The following TRAPPC12 variants were observed in gnomAD, a reference collection of about 807,000 sequenced individuals.
TRAPPC12 encodes trafficking protein particle complex subunit 12.
Under a neutral mutation model 69.2 loss-of-function variants are expected in TRAPPC12, and 61 were observed. That is an observed-to-expected ratio of 0.88 (90% CI 0.72 to 1.09). TRAPPC12 has a LOEUF of 1.09. Among genes scored for constraint, TRAPPC12 ranks in the 50% least tolerant of loss-of-function variants. The pLI, the probability that TRAPPC12 is intolerant of heterozygous loss-of-function variation, is 0.00. For synonymous variants in TRAPPC12, 469 were observed against 438.9 expected, an observed-to-expected ratio of 1.07 and a Z score of -0.86; for missense variants, 1,101 against 1,016.4, an observed-to-expected ratio of 1.08 and a Z score of -1.13.
intron 1 of TRAPPC12, among the ~76,000 whole-genome samples, chr2:3,383,868 CTTGTTTTTTTTTTTTTTT>C (rs1558334966): frequency 1.1e-4 from 9 of 84,754 alleles, no homozygotes; most frequent in East Asian, 3.5e-4. Flanking sequence ...ATAGTTCAGT[CTTGTTTTTTTTTTTTTTT>C]TTTTTTTTTT....
At chr2:3,385,661 T>C (rs1237442111) in intron 1 of TRAPPC12, among the ~76,000 whole-genome samples, 1 of 152,260 alleles carries the variant, frequency 6.6e-6, no homozygotes, top group Non-Finnish European at 1.5e-5. Context: ...AGAATTAGCT[T>C]TAGAACCTAG....
chr2:3,386,586 G>A (rs1448151996), intron 1 of TRAPPC12, among the ~76,000 whole-genome samples: 1 of 152,188 alleles, frequency 6.6e-6, no homozygotes, highest in Admixed American at 6.5e-5. Context: ...AGCTAGTTGT[G>A]TTGTCAGCTT....
intron 1 of TRAPPC12, among the ~76,000 whole-genome samples, chr2:3,380,816 C>T (rs1304388984): frequency 6.6e-6 from 1 of 152,224 alleles, no homozygotes; most frequent in Admixed American, 6.5e-5. Flanking sequence ...TGTGTCTGTG[C>T]AGCTCTTCAC....
chr2:3,445,195 T>G (rs5005514), intron 6 of TRAPPC12, among the ~76,000 whole-genome samples: 151,208 of 152,282 alleles, frequency 0.99, 75,075 homozygotes, highest in Middle Eastern at 1. Flanking sequence ...CCTGGTCCTG[T>G]TATGTCCTAT....
At chr2:3,456,772 T>C (rs1572189261) in intron 6 of TRAPPC12, 1 of 245,164 alleles carries the variant, frequency 4.1e-6, no homozygotes. Context: ...AGAGATGGGG[T>C]TTTGCCATGT....
chr2:3,465,624 C>G lies in TRAPPC12; in HGVS notation c.1705C>G (p.His569Asp). Reference sequence around the variant, plus strand: ...TTATGTGCTGGCCGTGGAGGCGTATCATTCGGTTATCAAGTATTACCCAGA... The same window carrying G: ...TTATGTGCTGGCCGTGGAGGCGTATGATTCGGTTATCAAGTATTACCCAGA... ...KDYVLAVEAY[H>D]SVIKYYPEQE... Residue 569 changes from histidine (H) to aspartate (D), a missense_variant, in exon 9 of 12, where the codon CAT (histidine) becomes GAT (aspartate). Physicochemically the swap from His to Asp is moderately conservative, Grantham distance 81. Coordinates refer to ENST00000324266, the MANE Select transcript of TRAPPC12 (RefSeq NM_016030.6). 1 of 1,614,104 alleles carries G rather than the reference C, an allele frequency of 6.2e-7. No individual in the cohort carries two copies. Among genetic ancestry groups the G allele is most frequent in the Non-Finnish European group, 8.5e-7 (1 of 1,179,982 alleles).
At chr2:3,424,422 A>G in intron 4 of TRAPPC12, 103 bp from the exon 5 acceptor site, 2 of 966,304 alleles carry the variant, frequency 2.1e-6, no homozygotes, top group Admixed American at 2.6e-5. Context: ...CCCTTATTTT[A>G]ATATATGAGA....
At position 3,382,980 on chromosome 2, in the gene TRAPPC12, T is replaced by C. The variant is rs113396126; in HGVS notation, c.-5+3104T>C. On this transcript the variant is annotated intron_variant, in intron 1 of 11. Coordinates refer to ENST00000324266, the MANE Select transcript of TRAPPC12 (RefSeq NM_016030.6). Reference sequence around the variant, plus strand: ...AATAACTTAAACCATGGGTGAAAAATTGAATTGTTCTGGGAAAAATCAAGA... The same window carrying C: ...AATAACTTAAACCATGGGTGAAAAACTGAATTGTTCTGGGAAAAATCAAGA... Among the ~76,000 whole-genome samples, 305 of 152,250 alleles carry C rather than the reference T, an allele frequency of 2.0e-3. 2 individuals are homozygous for C. The highest frequency in any genetic ancestry group is 7.1e-3 in the African/African-American group (296 of 41,548).
At chr2:3,415,946 G>A (rs1247192275) in intron 3 of TRAPPC12, among the ~76,000 whole-genome samples, 2 of 151,536 alleles carry the variant, frequency 1.3e-5, no homozygotes, top group Non-Finnish European at 2.9e-5. Flanking sequence ...TCGATCTCCT[G>A]ACCTCATGAT....
At chr2:3,457,600 T>G (rs745391145) in intron 6 of TRAPPC12, 21 bp from the exon 7 acceptor site, 8 of 1,610,736 alleles carry the variant, frequency 5.0e-6, no homozygotes, top group Non-Finnish European at 6.8e-6. Context: ...ATTTTGTCCT[T>G]CTCATTTGGA....
chr2:3,415,765 G>A (rs1317399269), intron 3 of TRAPPC12, among the ~76,000 whole-genome samples: 1 of 143,824 alleles, frequency 7.0e-6, no homozygotes, highest in African/African-American at 2.6e-5. Flanking sequence ...TGCCCAGGCT[G>A]GAGTACAGTG....
intron 8 of TRAPPC12, among the ~76,000 whole-genome samples, 171 bp from the exon 9 acceptor site, chr2:3,465,426 C>T (rs944769226): frequency 6.6e-6 from 1 of 152,212 alleles, no homozygotes; most frequent in South Asian, 2.1e-4. Context: ...GGGAGAGCAG[C>T]CGCCCCCTGG....
At chr2:3,446,126 G>A (rs1305216316) in intron 6 of TRAPPC12, among the ~76,000 whole-genome samples, 2 of 152,194 alleles carry the variant, frequency 1.3e-5, no homozygotes, top group Non-Finnish European at 2.9e-5. Context: ...CGTTCCCTCC[G>A]CTGGTCTACA....
intron 1 of TRAPPC12, among the ~76,000 whole-genome samples, chr2:3,382,384 C>A (rs181401052): frequency 7.6e-4 from 116 of 152,208 alleles, no homozygotes; most frequent in African/African-American, 2.7e-3. Flanking sequence ...CCGCCTGCCT[C>A]GGCCTCCCAA....
At chr2:3,408,820 A>T (rs1340618739) in intron 3 of TRAPPC12, among the ~76,000 whole-genome samples, 1 of 152,194 alleles carries the variant, frequency 6.6e-6, no homozygotes, top group Non-Finnish European at 1.5e-5. Flanking sequence ...TTAATATTCA[A>T]TATCCAAAAG....
At chr2:3,418,924 A>C (rs1188448572) in intron 3 of TRAPPC12, among the ~76,000 whole-genome samples, 2 of 151,422 alleles carry the variant, frequency 1.3e-5, no homozygotes, top group African/African-American at 4.9e-5. Flanking sequence ...CCCCATCCTC[A>C]CCTGCTTCCC....
At position 3,388,640 on chromosome 2, in the gene TRAPPC12, C is replaced by G; in HGVS notation, c.1017C>G (p.Thr339=). ...TGTTCGTGGACAAGGAGAACCTCACCATGCCGGGCCTCAGGTTCGACAACA... is the reference window on the plus strand; with the variant it reads ...TGTTCGTGGACAAGGAGAACCTCACGATGCCGGGCCTCAGGTTCGACAACA... ...GAVFVDKENL[T]MPGLRFDNIQ... Residue 339 remains threonine, a synonymous_variant, in exon 2 of 12, where the codon ACC becomes ACG. Transcript: ENST00000324266. 6.3e-7 allele frequency: 1 copy of G among 1,579,256 alleles called. No individual in the cohort carries two copies. The highest frequency in any genetic ancestry group is 8.6e-7 in the Non-Finnish European group (1 of 1,160,530).
chr2:3,477,844 G>T (rs199719495), intron 10 of TRAPPC12, 49 bp downstream of exon 10: 1 of 1,336,688 alleles, frequency 7.5e-7, no homozygotes, highest in African/African-American at 1.5e-5. Flanking sequence ...TCCCAGAGGC[G>T]TTCAAGCCCC....
chr2:3,387,396 TAAAA>T (rs1298699447), intron 1 of TRAPPC12, among the ~76,000 whole-genome samples: 1 of 152,186 alleles, frequency 6.6e-6, no homozygotes, highest in Non-Finnish European at 1.5e-5. Context: ...TTTTGCAAGA[TAAAA>T]AGTGTTCTGG....
Sources: allele counts gnomAD v4.1 joint callset (sites outside exome capture counted in the v4.1 genomes callset), GRCh38; gene constraint gnomAD v4.1.1; transcripts MANE v1.5; gene names NCBI Gene and HGNC (gene_info 2026-07-23, HGNC 2026-07-21).